DOCK5: variants seen among roughly 807,000 people sequenced by gnomAD.
DOCK5 encodes dedicator of cytokinesis 5.
DOCK5 carries 142 observed loss-of-function variants against 251.8 expected under a neutral mutation model. The ratio of observed to expected loss-of-function variants is 0.56; its 90% CI spans 0.49 to 0.65. The LOEUF (loss-of-function observed/expected upper bound fraction) is 0.65, where lower values mean the gene tolerates loss of function less well. Among genes scored for constraint, DOCK5 ranks in the 30% least tolerant of loss-of-function variants. DOCK5 has a pLI of 0.00. For synonymous variants in DOCK5, 842 were observed against 835.5 expected (o/e 1.01, Z -0.13); for missense variants, 2,111 against 2,312.3 (o/e 0.91, Z 1.79).
At chr8:25,343,453 C>T (rs1465845795) in intron 25 of DOCK5, among the ~76,000 whole-genome samples, 1 of 152,186 alleles carries the variant, frequency 6.6e-6, no homozygotes, top group Non-Finnish European at 1.5e-5. Flanking sequence ...GTATTTCCAA[C>T]AGTTCCTAAA....
At chr8:25,400,221 G>A (rs2939813) in intron 46 of DOCK5, among the ~76,000 whole-genome samples, 88,085 of 151,968 alleles carry the variant, frequency 0.58, 27,486 homozygotes, top group South Asian at 0.69. Flanking sequence ...GGCTGGGGCC[G>A]GGCCCAGTGG....
chr8:25,256,955 G>A (rs930662812), intron 2 of DOCK5, among the ~76,000 whole-genome samples: 1 of 151,698 alleles, frequency 6.6e-6, no homozygotes, highest in African/African-American at 2.4e-5. Flanking sequence ...GAGTAGGGAA[G>A]TTATGCTGGA....
chr8:25,324,037 C>G (rs371694707), intron 17 of DOCK5, 86 bp downstream of exon 17: 8 of 1,384,146 alleles, frequency 5.8e-6, no homozygotes, highest in African/African-American at 4.4e-5. Flanking sequence ...GTACAAACAT[C>G]AGAAACCTTT....
intron 45 of DOCK5, among the ~76,000 whole-genome samples, chr8:25,396,411 A>G (rs1000712005): frequency 6.6e-6 from 1 of 152,124 alleles, no homozygotes; most frequent in Non-Finnish European, 1.5e-5. Context: ...CAGAGGTTGT[A>G]TGGACAACTG....
chr8:25,273,016 A>G (rs1803951596), intron 3 of DOCK5, among the ~76,000 whole-genome samples: 1 of 152,108 alleles, frequency 6.6e-6, no homozygotes, highest in Non-Finnish European at 1.5e-5. Flanking sequence ...GTTAGTTCCC[A>G]ACATCCCAGT....
At chr8:25,344,203 G>T (rs1257672025) in intron 25 of DOCK5, among the ~76,000 whole-genome samples, 1 of 152,172 alleles carries the variant, frequency 6.6e-6, no homozygotes, top group African/African-American at 2.4e-5. Context: ...CTCTTACACT[G>T]ATAAAATACT....
intron 1 of DOCK5, among the ~76,000 whole-genome samples, chr8:25,210,066 G>GTCTATTTA (rs1802096763): frequency 4.1e-5 from 1 of 24,162 alleles, no homozygotes; most frequent in African/African-American, 1.3e-4. Flanking sequence ...GTGTGTGTGT[G>GTCTATTTA]TGTATCTGTC....
rs80046076 is a variant in DOCK5 at position 25,232,660 on chromosome 8, G to A, written c.44-11014G>A. On this transcript the variant is annotated intron_variant, in intron 1 of 51. Coordinates refer to ENST00000276440, the MANE Select transcript of DOCK5 (RefSeq NM_024940.8). ...TCTCTGGGGCCTTTTATAAGAGCAC[G>A]AATCCCATTCATGAGAGCTCCACCC... Among the ~76,000 whole-genome samples the A allele has an allele frequency of 2.1e-3, 314 of 152,164 alleles. 1 individual carries two copies. Among genetic ancestry groups the A allele is most frequent in the Non-Finnish European group, 3.5e-3 (239 of 68,006 alleles).
chr8:25,275,502 A>G (rs767671149), intron 4 of DOCK5, 61 bp downstream of exon 4: 17 of 1,502,976 alleles, frequency 1.1e-5, no homozygotes, highest in Non-Finnish European at 1.5e-5. Flanking sequence ...ATCATTAATG[A>G]TAATCTTTAG....
chr8:25,204,584 T>C (rs1801956562), intron 1 of DOCK5, among the ~76,000 whole-genome samples: 1 of 152,210 alleles, frequency 6.6e-6, no homozygotes, highest in Admixed American at 6.5e-5. Context: ...CCATTGAACT[T>C]TCTGCCTGAA....
At chr8:25,275,987 C>A (rs969675976) in intron 4 of DOCK5, among the ~76,000 whole-genome samples, 4 of 152,166 alleles carry the variant, frequency 2.6e-5, no homozygotes, top group African/African-American at 7.2e-5. Context: ...CTCCAGAATA[C>A]TAAACACAGA....
At chr8:25,214,058 C>T (rs1802168402) in intron 1 of DOCK5, among the ~76,000 whole-genome samples, 1 of 152,120 alleles carries the variant, frequency 6.6e-6, no homozygotes, top group Non-Finnish European at 1.5e-5. Context: ...TAATTTTGTA[C>T]AATTATTTTC....
intron 10 of DOCK5, among the ~76,000 whole-genome samples, chr8:25,302,926 A>G (rs1306511463): frequency 1.3e-5 from 2 of 152,188 alleles, no homozygotes; most frequent in African/African-American, 4.8e-5. Flanking sequence ...ATGGGGAGTT[A>G]GTGTTTAATG....
At chr8:25,275,468 CA>C in intron 4 of DOCK5, 27 bp downstream of exon 4, 1 of 1,581,476 alleles carries the variant, frequency 6.3e-7, no homozygotes, top group Non-Finnish European at 8.6e-7. Context: ...GAAGATTCCC[CA>C]AAAATGATGA....
At chr8:25,262,660 T>C (rs1359988606) in intron 2 of DOCK5, among the ~76,000 whole-genome samples, 2 of 152,166 alleles carry the variant, frequency 1.3e-5, no homozygotes, top group Admixed American at 1.3e-4. Context: ...TTTCAACTTT[T>C]TCAGAAGTCT....
At position 25,309,047 on chromosome 8, in the gene DOCK5, C is replaced by T. The variant is rs912819807; in HGVS notation, c.1192+122C>T. On this transcript the variant is annotated intron_variant, in intron 12 of 51. Coordinates refer to ENST00000276440, the MANE Select transcript of DOCK5 (RefSeq NM_024940.8). ...ATACAAAACAGCCTCTGCTGGGGAC[C>T]ATCCCCCTCAGCTTCCAACCACAGG... 3.0e-5 allele frequency: 40 copies of T among 1,326,438 alleles called. No homozygotes were observed. In the African/African-American group the frequency reaches 4.2e-4, roughly 14 times the overall value. 82.2% of individuals were successfully genotyped at this position (1,326,438 alleles called of 1,614,324 possible).
chr8:25,303,340 C>G (rs1804817190), intron 10 of DOCK5, among the ~76,000 whole-genome samples: 1 of 152,168 alleles, frequency 6.6e-6, no homozygotes, highest in Non-Finnish European at 1.5e-5. Flanking sequence ...TCCTCCCTGT[C>G]TGGGTCTGCG....
At chr8:25,192,640 G>T (rs1041662641) in intron 1 of DOCK5, among the ~76,000 whole-genome samples, 5 of 152,100 alleles carry the variant, frequency 3.3e-5, no homozygotes, top group African/African-American at 9.7e-5. Context: ...GGAATAGCTG[G>T]AACTACAGAC....
At chr8:25,188,403 A>G (rs1801485275) in intron 1 of DOCK5, among the ~76,000 whole-genome samples, 1 of 152,216 alleles carries the variant, frequency 6.6e-6, no homozygotes, top group Non-Finnish European at 1.5e-5. Context: ...AAGCATTTGG[A>G]TGACTCAGAG....
Sources: gnomAD v4.1 joint callset for allele counts (sites outside exome capture counted in the v4.1 genomes callset) on GRCh38, gnomAD v4.1.1 for gene constraint, MANE v1.5 for transcripts, NCBI Gene and HGNC (gene_info 2026-07-23, HGNC 2026-07-21) for gene names.